SH3KBP1: variants seen among roughly 807,000 people sequenced by gnomAD.
SH3KBP1 encodes SH3 domain containing kinase binding protein 1.
In SH3KBP1, 8 loss-of-function variants were observed where a neutral mutation model predicts 50.1. The ratio of observed to expected loss-of-function variants is 0.16; its 90% CI spans 0.09 to 0.29. SH3KBP1 has a LOEUF of 0.29. Among genes scored for constraint, SH3KBP1 ranks in the 10% least tolerant of loss-of-function variants. SH3KBP1 has a pLI of 1.00. For synonymous variants in SH3KBP1, 227 were observed against 218.6 expected, an observed-to-expected ratio of 1.04 and a Z score of -0.34; for missense variants, 377 against 535.2, an observed-to-expected ratio of 0.70 and a Z score of 2.92.
At chrX:19,829,166 A>G (rs941390091) in intron 2 of SH3KBP1, among the ~76,000 whole-genome samples, 2 of 112,538 alleles carry the variant, frequency 1.8e-5, no homozygotes, top group African/African-American at 3.2e-5. Context: ...CTCAAACTGG[A>G]AACAACCCAA....
chrX:19,670,244 A>T (rs750798057), intron 6 of SH3KBP1: 105 of 433,787 alleles, frequency 2.4e-4, no homozygotes, highest in Non-Finnish European at 2.9e-4. Flanking sequence ...CCGCACTACA[A>T]AACTAGCCAA....
At chrX:19,819,545 T>C (rs1026196119) in intron 2 of SH3KBP1, among the ~76,000 whole-genome samples, 2 of 110,666 alleles carry the variant, frequency 1.8e-5, no homozygotes, top group African/African-American at 6.6e-5. Context: ...AGATAGTGTC[T>C]TGCTATGCTG....
At chrX:19,726,262 C>T (rs932314037) in intron 3 of SH3KBP1, among the ~76,000 whole-genome samples, 3 of 111,505 alleles carry the variant, frequency 2.7e-5, no homozygotes, top group African/African-American at 6.5e-5. Flanking sequence ...TGGAGGAAGG[C>T]GTCTGACAGA....
At chrX:19,631,581 G>C (rs954927734) in intron 8 of SH3KBP1, among the ~76,000 whole-genome samples, 1 of 112,748 alleles carries the variant, frequency 8.9e-6, no homozygotes, top group African/African-American at 3.2e-5. Flanking sequence ...ATCTCCAGCC[G>C]AGCAGGCTGC....
At chrX:19,709,413 CAT>C (rs1188902021) in intron 3 of SH3KBP1, among the ~76,000 whole-genome samples, 2 of 111,846 alleles carry the variant, frequency 1.8e-5, no homozygotes, top group Non-Finnish European at 3.8e-5. Flanking sequence ...CTGCCAACCA[CAT>C]GAGTTAAAAA....
intron 2 of SH3KBP1, among the ~76,000 whole-genome samples, chrX:19,784,943 T>C (rs1482576429): frequency 2.7e-5 from 3 of 111,201 alleles, no homozygotes; most frequent in East Asian, 2.8e-4. Context: ...ACCCAAACAA[T>C]GTTAGAACCA....
intron 2 of SH3KBP1, among the ~76,000 whole-genome samples, chrX:19,757,330 CA>C (rs1488658914): frequency 3.6e-5 from 4 of 109,851 alleles, no homozygotes; most frequent in African/African-American, 1.3e-4. Flanking sequence ...ATTTTACCCA[CA>C]AGGAAATTCC....
chrX:19,732,029 T>C (rs1435963173), intron 3 of SH3KBP1, among the ~76,000 whole-genome samples: 1 of 111,944 alleles, frequency 8.9e-6, no homozygotes, highest in Non-Finnish European at 1.9e-5. Flanking sequence ...ACAAAAACAG[T>C]TGTTTTCATA....
At chrX:19,632,436 C>T (rs1236433667) in intron 7 of SH3KBP1, among the ~76,000 whole-genome samples, 1 of 112,442 alleles carries the variant, frequency 8.9e-6, no homozygotes, top group African/African-American at 3.2e-5. Flanking sequence ...GAAAAGTTAC[C>T]CCATTATGGT....
intron 6 of SH3KBP1, among the ~76,000 whole-genome samples, chrX:19,656,683 T>C (rs2062286658): frequency 2.7e-5 from 3 of 111,769 alleles, no homozygotes; most frequent in African/African-American, 9.8e-5. Flanking sequence ...TATACCCTAA[T>C]GGGAAGCATC....
intron 2 of SH3KBP1, among the ~76,000 whole-genome samples, chrX:19,746,969 G>A (rs1459374076): frequency 1.8e-5 from 2 of 112,256 alleles, no homozygotes; most frequent in African/African-American, 6.5e-5. Context: ...AAATAAGGAT[G>A]GCTTATCACT....
chrX:19,829,993 G>T (rs1459305461), intron 2 of SH3KBP1, among the ~76,000 whole-genome samples: 1 of 111,198 alleles, frequency 9.0e-6, no homozygotes, highest in African/African-American at 3.3e-5. Context: ...GCACCGTTGG[G>T]AGTGTAGCAG....
At chrX:19,738,882 G>A (rs113325064) in intron 3 of SH3KBP1, among the ~76,000 whole-genome samples, 206 of 107,077 alleles carry the variant, frequency 1.9e-3, no homozygotes, top group Non-Finnish European at 3.2e-3. Context: ...ATGGTGGCAG[G>A]TGCCTGTAGT....
intron 3 of SH3KBP1, among the ~76,000 whole-genome samples, chrX:19,721,453 T>C (rs1418602320): frequency 8.9e-6 from 1 of 112,149 alleles, no homozygotes; most frequent in South Asian, 3.6e-4. Context: ...CACTCACCCC[T>C]GCTTCAAAAT....
intron 3 of SH3KBP1, among the ~76,000 whole-genome samples, chrX:19,733,660 C>A (rs2064446528): frequency 9.1e-6 from 1 of 110,404 alleles, no homozygotes; most frequent in Admixed American, 9.7e-5. Flanking sequence ...ATATACCAAT[C>A]TACATAAAAA....
chrX:19,839,766 T>A (rs1449995068), intron 1 of SH3KBP1, among the ~76,000 whole-genome samples: 2 of 112,247 alleles, frequency 1.8e-5, no homozygotes, highest in African/African-American at 6.5e-5. Flanking sequence ...AATCCCAAGC[T>A]GTGTCTTGTC....
intron 1 of SH3KBP1, among the ~76,000 whole-genome samples, chrX:19,857,833 T>G (rs2068687392): frequency 8.9e-6 from 1 of 111,870 alleles, no homozygotes; most frequent in Admixed American, 9.5e-5. Flanking sequence ...TCCACACTAA[T>G]TCCAAACTTC....
At chrX:19,742,931 A>G (rs1377273535) in intron 3 of SH3KBP1, among the ~76,000 whole-genome samples, 1 of 112,062 alleles carries the variant, frequency 8.9e-6, no homozygotes, top group Admixed American at 9.5e-5. Context: ...TTCCTCAGGA[A>G]AGGCTTGTTT....
chrX:19,549,210 C>T (rs1448242217), intron 14 of SH3KBP1, among the ~76,000 whole-genome samples: 1 of 111,478 alleles, frequency 9.0e-6, no homozygotes, highest in African/African-American at 3.3e-5. Context: ...ATGCGTACTA[C>T]GTAATCCTAT....
Sources: gnomAD v4.1 joint callset for allele counts (sites outside exome capture counted in the v4.1 genomes callset) on GRCh38, gnomAD v4.1.1 for gene constraint, MANE v1.5 for transcripts, NCBI Gene and HGNC (gene_info 2026-07-23, HGNC 2026-07-21) for gene names.